Variants in SOX6 observed in about 807,000 individuals in gnomAD.
The protein encoded by SOX6 is transcription factor SOX-6.
Under a neutral mutation model 97.8 loss-of-function variants are expected in SOX6, and 11 were observed. The observed-to-expected ratio is 0.11, with a 90% CI of 0.07 to 0.19. The LOEUF (loss-of-function observed/expected upper bound fraction) is 0.19. Ranked by LOEUF, SOX6 falls within the 10% of genes least tolerant of loss-of-function variation. The probability of loss-of-function intolerance (pLI) is 1.00; values close to 1 mark genes in which losing one functional copy is unlikely to be tolerated. For synonymous variants in SOX6, 360 were observed against 371.4 expected (o/e 0.97, Z 0.35); for missense variants, 810 against 1,039.5 (o/e 0.78, Z 3.04).
chr11:16,626,128 T>A (rs1848620526), intron 3 of SOX6, among the ~76,000 whole-genome samples: 1 of 152,146 alleles, frequency 6.6e-6, no homozygotes, highest in Non-Finnish European at 1.5e-5. Context: ...ACCCACTCAA[T>A]GTCTGCTGAA....
Position 16,125,816 on chromosome 11 carries a change from T to TGGAAGGAAGGAAGGAAGGA in SOX6, c.778-13894_778-13893insTCCTTCCTTCCTTCCTTCC, listed in dbSNP as rs1849594020. On this transcript the variant is annotated intron_variant, in intron 6 of 15. Transcript: ENST00000683767. ...CTTTCACATGTTCTTAAAGAAATCATAGGAAGGAAGGAAGGAAGGAAGGAA... is the reference window on the plus strand; with the variant it reads ...CTTTCACATGTTCTTAAAGAAATCATGGAAGGAAGGAAGGAAGGAAGGAAGGAAGGAAGGAAGGAAGGAA... 1.8e-4 allele frequency among the ~76,000 whole-genome samples: 18 copies of TGGAAGGAAGGAAGGAAGGA among 99,660 alleles called. No individual in the cohort carries two copies. In the South Asian group the frequency reaches 6.4e-3, roughly 36 times the overall value. The allele number at this position is 99,660 out of a possible 152,430, so 65.4% of individuals were successfully genotyped here.
chr11:16,730,779 A>C (rs2134059789), intron 2 of SOX6, among the ~76,000 whole-genome samples: 1 of 152,224 alleles, frequency 6.6e-6, no homozygotes, highest in African/African-American at 2.4e-5. Flanking sequence ...GACATGAAAA[A>C]CCCTTCAAAA....
intron 4 of SOX6, among the ~76,000 whole-genome samples, chr11:16,586,946 G>A (rs879709996): frequency 1.3e-5 from 2 of 152,200 alleles, no homozygotes; most frequent in African/African-American, 4.8e-5. Context: ...TATGACATGA[G>A]AATTGTGTAA....
At chr11:16,648,508 C>A (rs957202672) in intron 3 of SOX6, among the ~76,000 whole-genome samples, 8 of 152,178 alleles carry the variant, frequency 5.3e-5, no homozygotes, top group African/African-American at 1.4e-4. Context: ...AGCTTAGAGC[C>A]CCCTACCACT....
At chr11:16,699,190 T>A (rs1000247770) in intron 3 of SOX6, among the ~76,000 whole-genome samples, 1 of 152,214 alleles carries the variant, frequency 6.6e-6, no homozygotes, top group Non-Finnish European at 1.5e-5. Flanking sequence ...TAGTAAATGT[T>A]TAGCATATAT....
At chr11:16,708,322 G>A (rs1248737784) in intron 3 of SOX6, among the ~76,000 whole-genome samples, 2 of 152,092 alleles carry the variant, frequency 1.3e-5, no homozygotes, top group East Asian at 3.8e-4. Flanking sequence ...ATGAAATAAA[G>A]ATTTGACCTG....
At chr11:16,404,802 G>C (rs541620149) in intron 1 of SOX6, among the ~76,000 whole-genome samples, 2 of 151,992 alleles carry the variant, frequency 1.3e-5, no homozygotes, top group Non-Finnish European at 2.9e-5. Flanking sequence ...CTGTAAGAAT[G>C]AAATGTTTTA....
intron 4 of SOX6, among the ~76,000 whole-genome samples, chr11:16,546,133 A>G (rs1370744827): frequency 6.6e-6 from 1 of 152,160 alleles, no homozygotes; most frequent in African/African-American, 2.4e-5. Flanking sequence ...CCTAGGGAAT[A>G]AATAACCAAG....
At chr11:16,398,529 T>C (rs970232887) in intron 1 of SOX6, among the ~76,000 whole-genome samples, 2 of 151,380 alleles carry the variant, frequency 1.3e-5, no homozygotes, top group African/African-American at 4.8e-5. Flanking sequence ...AGCTAAACGG[T>C]TGGACAATTG....
intron 4 of SOX6, among the ~76,000 whole-genome samples, chr11:16,578,666 T>G (rs538402289): frequency 2.0e-5 from 3 of 152,266 alleles, no homozygotes; most frequent in Admixed American, 1.3e-4. Flanking sequence ...TTAGTTCCTC[T>G]GCTTAAAATA....
intron 6 of SOX6, among the ~76,000 whole-genome samples, chr11:16,172,642 T>C (rs1851069098): frequency 2.0e-5 from 3 of 152,038 alleles, no homozygotes; most frequent in African/African-American, 4.8e-5. Flanking sequence ...GACTATCTAC[T>C]GCTCTCCTTT....
intron 3 of SOX6, among the ~76,000 whole-genome samples, chr11:16,268,170 A>T (rs1223817414): frequency 2.0e-5 from 3 of 151,370 alleles, no homozygotes; most frequent in Non-Finnish European, 4.4e-5. Flanking sequence ...GCACATTTCA[A>T]TATCACTAAG....
intron 4 of SOX6, chr11:16,567,190 T>C (rs1000710865): frequency 6.6e-6 from 1 of 152,252 alleles, no homozygotes; most frequent in Admixed American, 6.5e-5. Context: ...GGTGGGCTTA[T>C]TGAAGTACAA....
intron 3 of SOX6, among the ~76,000 whole-genome samples, chr11:16,305,003 G>T (rs1049003230): frequency 6.6e-6 from 1 of 151,550 alleles, no homozygotes; most frequent in Non-Finnish European, 1.5e-5. Context: ...TTAGAATCTA[G>T]GGTTAGGCAA....
At chr11:16,222,637 A>G (rs1346735723) in intron 4 of SOX6, among the ~76,000 whole-genome samples, 1 of 152,142 alleles carries the variant, frequency 6.6e-6, no homozygotes, top group African/African-American at 2.4e-5. Context: ...GTCCTCAATA[A>G]AAATGTAAGA....
intron 3 of SOX6, among the ~76,000 whole-genome samples, chr11:16,661,883 C>A (rs1011887368): frequency 6.6e-6 from 1 of 152,080 alleles, no homozygotes; most frequent in African/African-American, 2.4e-5. Context: ...ACTCTCTCCT[C>A]GTTTTCCATG....
chr11:16,533,119 C>T (rs923606701), intron 4 of SOX6, among the ~76,000 whole-genome samples: 6 of 151,880 alleles, frequency 4.0e-5, no homozygotes, highest in African/African-American at 1.2e-4. Flanking sequence ...CACAAAATTA[C>T]AGATTGGCAT....
At chr11:16,101,978 G>C (rs1261904130) in intron 7 of SOX6, among the ~76,000 whole-genome samples, 1 of 151,770 alleles carries the variant, frequency 6.6e-6, no homozygotes, top group Non-Finnish European at 1.5e-5. Context: ...ACAAGACAAG[G>C]ATACCCACTT....
chr11:16,070,070 G>A (rs561624948), intron 9 of SOX6, among the ~76,000 whole-genome samples: 1 of 152,316 alleles, frequency 6.6e-6, no homozygotes, highest in East Asian at 1.9e-4. Context: ...CAGGAGAATG[G>A]CGTGAACCTG....
Sources: gnomAD v4.1 joint callset for allele counts (sites outside exome capture counted in the v4.1 genomes callset) on GRCh38, gnomAD v4.1.1 for gene constraint, MANE v1.5 for transcripts, NCBI Gene and HGNC (gene_info 2026-07-23, HGNC 2026-07-21) for gene names.